Variants in PTPRD observed in about 807,000 individuals in gnomAD.
PTPRD encodes receptor-type tyrosine-protein phosphatase delta.
PTPRD carries 34 observed loss-of-function variants against 214.5 expected under a neutral mutation model. The observed-to-expected ratio is 0.16, with a 90% CI of 0.12 to 0.21. The LOEUF (loss-of-function observed/expected upper bound fraction) is 0.21, where lower values mean the gene tolerates loss of function less well. PTPRD is among the 10% of genes least tolerant of loss of function. PTPRD has a pLI of 1.00. For synonymous variants in PTPRD, 1,128 were observed against 845.7 expected (o/e 1.33, Z -5.79); for missense variants, 2,545 against 2,398.7 (o/e 1.06, Z -1.27).
Position 8,341,779 on chromosome 9 carries a change from G to T in PTPRD, c.4861C>A (p.Pro1621Thr), listed in dbSNP as rs1330364871. 6.2e-7 allele frequency: 1 copy of T among 1,613,558 alleles called. No homozygotes were observed. The highest frequency in any genetic ancestry group is 8.5e-7 in the Non-Finnish European group (1 of 1,179,716). Residue 1621 changes from proline (P) to threonine (T), a missense_variant, in exon 40 of 46, where the codon CCA becomes ACA. Coordinates refer to ENST00000381196, the MANE Select transcript of PTPRD (RefSeq NM_002839.4). ...ATGTAGGCATACAAGTTTCTAGCTG[G>T]CACTTCGGTATTTCCACAAGTCACT... is the stretch of plus-strand genomic sequence containing the variant. Reference protein sequence around the residue: ...EAVTCGNTEVPARNLYAYIQK... With the variant: ...EAVTCGNTEVTARNLYAYIQK...
chr9:9,777,664 T>C (rs1350388026), intron 5 of PTPRD, among the ~76,000 whole-genome samples: 2 of 152,112 alleles, frequency 1.3e-5, no homozygotes, highest in African/African-American at 4.8e-5. Context: ...ATCACTGCAC[T>C]GTAGTGTGCG....
chr9:8,733,922 A>ATTTC lies in PTPRD; in HGVS notation c.-83_-80dup. 1 of 1,421,916 alleles carries ATTTC rather than the reference A, an allele frequency of 7.0e-7. No homozygotes were observed. The highest frequency in any genetic ancestry group is 1.4e-5 in the African/African-American group (1 of 70,798). 88.1% of individuals were successfully genotyped at this position (1,421,916 alleles called of 1,614,324 possible). On this transcript the variant is annotated 5_prime_UTR_variant, in exon 12 of 46. Coordinates refer to ENST00000381196, the MANE Select transcript of PTPRD (RefSeq NM_002839.4). The stretch of plus-strand genomic sequence containing the variant: ...CCGCAGCGAGTCTGTCCGATCTGAA[A>ATTTC]TTTCAGCTGGAACACTTTCAGAGCC...
chr9:10,537,166 C>T (rs575012190), intron 2 of PTPRD, among the ~76,000 whole-genome samples: 1 of 152,198 alleles, frequency 6.6e-6, no homozygotes, highest in South Asian at 2.1e-4. Context: ...ATTATAATCA[C>T]TAAATTAGGT....
At chr9:10,195,754 G>A (rs1464077160) in intron 3 of PTPRD, among the ~76,000 whole-genome samples, 1 of 152,160 alleles carries the variant, frequency 6.6e-6, no homozygotes, top group Non-Finnish European at 1.5e-5. Flanking sequence ...GAAGGGTGGA[G>A]GAGATGAAGC....
At chr9:9,110,046 T>C (rs2099803944) in intron 10 of PTPRD, among the ~76,000 whole-genome samples, 2 of 152,206 alleles carry the variant, frequency 1.3e-5, no homozygotes. Context: ...AAGGCTTAGA[T>C]GGGGACAGGA....
intron 3 of PTPRD, among the ~76,000 whole-genome samples, chr9:10,136,000 G>A (rs1004404401): frequency 6.6e-6 from 1 of 150,674 alleles, no homozygotes; most frequent in South Asian, 2.1e-4. Context: ...CACGTCATAT[G>A]TAATGACACC....
intron 2 of PTPRD, among the ~76,000 whole-genome samples, chr9:10,498,283 G>C (rs934169292): frequency 6.6e-6 from 1 of 151,816 alleles, no homozygotes; most frequent in Non-Finnish European, 1.5e-5. Flanking sequence ...GGCCTAGAAG[G>C]TGAACAAAAC....
intron 11 of PTPRD, among the ~76,000 whole-genome samples, chr9:8,734,937 A>G (rs1055034306): frequency 6.6e-6 from 1 of 152,116 alleles, no homozygotes; most frequent in Non-Finnish European, 1.5e-5. Flanking sequence ...CAGGAATTCT[A>G]TGCAAAGGCA....
intron 34 of PTPRD, among the ~76,000 whole-genome samples, chr9:8,447,500 G>A (rs566205371): frequency 1.7e-3 from 265 of 152,224 alleles, no homozygotes; most frequent in African/African-American, 6.1e-3. Context: ...GAATTCTTGA[G>A]TTTGGCCATA....
intron 8 of PTPRD, among the ~76,000 whole-genome samples, chr9:9,506,829 C>T (rs1157749450): frequency 6.6e-6 from 1 of 151,244 alleles, no homozygotes; most frequent in Admixed American, 6.6e-5. Context: ...AATGAAAAGG[C>T]CAGAAAAGTC....
chr9:8,420,123 T>C (rs1418094859), intron 35 of PTPRD, among the ~76,000 whole-genome samples: 1 of 152,136 alleles, frequency 6.6e-6, no homozygotes, highest in Non-Finnish European at 1.5e-5. Context: ...ACCAAAATCC[T>C]GACAAATTCT....
At chr9:10,539,813 G>C (rs1452462541) in intron 2 of PTPRD, among the ~76,000 whole-genome samples, 2 of 152,090 alleles carry the variant, frequency 1.3e-5, no homozygotes, top group Non-Finnish European at 2.9e-5. Flanking sequence ...TGAGTCATAA[G>C]AGTTTCATCA....
chr9:8,465,935 T>C (rs1161586749), intron 31 of PTPRD, among the ~76,000 whole-genome samples: 1 of 151,932 alleles, frequency 6.6e-6, no homozygotes, highest in African/African-American at 2.4e-5. Context: ...TCCTTTGCTG[T>C]AGCTCATTTC....
chr9:9,659,251 G>C (rs750556645), intron 7 of PTPRD, among the ~76,000 whole-genome samples: 26 of 151,944 alleles, frequency 1.7e-4, no homozygotes, highest in Admixed American at 3.9e-4. Flanking sequence ...CATATGTGTA[G>C]CTTAAAGATT....
At chr9:8,987,782 A>G in intron 11 of PTPRD, among the ~76,000 whole-genome samples, 1 of 152,146 alleles carries the variant, frequency 6.6e-6, no homozygotes, top group Admixed American at 6.6e-5. Flanking sequence ...AAGGAAGAAG[A>G]TAAACAAAAT....
intron 10 of PTPRD, among the ~76,000 whole-genome samples, chr9:9,077,440 T>C (rs1441075550): frequency 1.3e-5 from 2 of 152,080 alleles, no homozygotes; most frequent in East Asian, 1.9e-4. Flanking sequence ...GTCTTTTCCA[T>C]TGCTAACTTT....
intron 4 of PTPRD, among the ~76,000 whole-genome samples, chr9:9,974,579 T>C (rs1314494636): frequency 1.3e-5 from 2 of 152,200 alleles, no homozygotes. Context: ...AATCTAGACC[T>C]AATTACCCCA....
chr9:10,387,572 A>G (rs2097943811), intron 2 of PTPRD, among the ~76,000 whole-genome samples: 1 of 151,708 alleles, frequency 6.6e-6, no homozygotes, highest in East Asian at 2.0e-4. Flanking sequence ...GATCCACTTC[A>G]CCAGGTCTTC....
chr9:10,009,456 T>G (rs1308824713), intron 4 of PTPRD, among the ~76,000 whole-genome samples: 5 of 151,904 alleles, frequency 3.3e-5, no homozygotes, highest in African/African-American at 1.2e-4. Flanking sequence ...ATTCACAGAT[T>G]TTTTCATTAG....
Sources: gnomAD v4.1 joint callset for allele counts (sites outside exome capture counted in the v4.1 genomes callset) on GRCh38, gnomAD v4.1.1 for gene constraint, MANE v1.5 for transcripts, NCBI Gene and HGNC (gene_info 2026-07-23, HGNC 2026-07-21) for gene names.